HSF4: variants seen among roughly 807,000 people sequenced by gnomAD.
HSF4 encodes the protein heat shock transcription factor 4.
A neutral mutation model predicts 52.0 loss-of-function variants in HSF4; 41 were observed. The observed-to-expected ratio is 0.79, with a 90% confidence interval of 0.61 to 1.02. HSF4 has a LOEUF of 1.02. Ranked by LOEUF, HSF4 falls within the 50% of genes least tolerant of loss-of-function variation. The pLI, the probability that HSF4 is intolerant of heterozygous loss-of-function variation, is 0.00. For synonymous variants in HSF4, 285 were observed against 273.0 expected (o/e 1.04, Z -0.43); for missense variants, 610 against 651.1 (o/e 0.94, Z 0.69).
intron 9 of HSF4, among the ~76,000 whole-genome samples, chr16:67,168,375 G>A (rs1320117787): frequency 6.6e-6 from 1 of 152,174 alleles, no homozygotes; most frequent in African/African-American, 2.4e-5. Flanking sequence ...TCAGGAGGCT[G>A]AGGCAGGACA....
intron 4 of HSF4, 55 bp from the exon 5 acceptor site, chr16:67,166,265 G>A: frequency 1.3e-6 from 2 of 1,524,582 alleles, no homozygotes; most frequent in East Asian, 2.3e-5. Context: ...TTCTGTGGGG[G>A]GTGGTGACTG....
Position 67,166,212 on chromosome 16 carries a change from T to C in HSF4, c.486-108T>C. On this transcript the variant is annotated intron_variant, in intron 4 of 12. Coordinates refer to ENST00000521374, the MANE Select transcript of HSF4 (RefSeq NM_001374675.1). The stretch of plus-strand genomic sequence containing the variant: ...CTAGACTTATGGGCGATCTCTGGGA[T>C]GGCCAGTCAGCGGGGTGGTCTCCTG... 4 of 1,373,456 alleles carry C rather than the reference T, an allele frequency of 2.9e-6. No homozygotes were observed. The South Asian group carries it at 4.9e-5, about 17-fold the overall frequency. The allele number at this position is 1,373,456 out of a possible 1,614,324, so 85.1% of individuals were successfully genotyped here.
At position 67,168,918 on chromosome 16, in the gene HSF4, A is replaced by C; in HGVS notation, c.1170A>C (p.Glu390Asp). 1.2e-6 allele frequency: 2 copies of C among 1,613,890 alleles called. No individual in the cohort carries two copies. The highest frequency in any genetic ancestry group is 1.7e-6 in the Non-Finnish European group (2 of 1,179,906). ...TTCAGCCCCCTCAAGAAAGTGTGGA[A>C]CCTGCAGGGCCTCTAGATGTGAGTA... Reference protein sequence around the residue: ...MLLQPPQESVEPAGPLDVLGP... With the variant: ...MLLQPPQESVDPAGPLDVLGP... The change falls in exon 10 of 13, where the codon GAA becomes GAC. Residue 390 changes from glutamate to aspartate, a missense_variant. Coordinates refer to ENST00000521374, the MANE Select transcript of HSF4 (RefSeq NM_001374675.1).
rs778468495 is a variant in HSF4, at chr16:67,165,659, G to A, written c.232+29G>A. ...AGTCCCTACGGCCGGGCGGGGAGCGGGGATGGGGGACTCGGTGCCGGGGAT... is the reference window on the plus strand; with the variant it reads ...AGTCCCTACGGCCGGGCGGGGAGCGAGGATGGGGGACTCGGTGCCGGGGAT... On this transcript the variant is annotated intron_variant, in intron 2 of 12. Transcript: ENST00000521374. The surrounding 1 kb of genome is among the most constrained non-coding windows in gnomAD (Gnocchi z 6.9). The A allele has an allele frequency of 2.5e-6, 4 of 1,612,506 alleles. No homozygotes were observed. Among genetic ancestry groups the A allele is most frequent in the Non-Finnish European group, 3.4e-6 (4 of 1,179,846 alleles).
In HSF4 at chr16:67,169,470, G is replaced by A. The variant is rs1201186490; in HGVS notation, c.1324+122G>A. The A allele has an allele frequency of 6.4e-7, 1 of 1,570,484 alleles. No homozygotes were observed. The highest frequency in any genetic ancestry group is 1.4e-5 in the African/African-American group (1 of 73,946). Reference sequence around the variant, plus strand: ...CTGAGTTCAGGCTGCACTGCAGAGCGTTCCTTGAGCCACCCATGCCCTCAC... The same window carrying A: ...CTGAGTTCAGGCTGCACTGCAGAGCATTCCTTGAGCCACCCATGCCCTCAC... On this transcript the variant is annotated intron_variant, in intron 12 of 12. Coordinates refer to ENST00000521374, the MANE Select transcript of HSF4 (RefSeq NM_001374675.1). This position sits in a 1 kb window ranked among gnomAD's most constrained non-coding sequence, Gnocchi z 4.3.
In HSF4 at chr16:67,168,343, G is replaced by A. The variant is rs1002335325; in HGVS notation, c.1082+396G>A. ...ACAAAAATTAGCTGGGTGTGGTGGC[G>A]TTTGCCTGTAGTCCCAGCTACTCAG... On this transcript the variant is annotated intron_variant, in intron 9 of 12. Coordinates refer to ENST00000521374, the MANE Select transcript of HSF4 (RefSeq NM_001374675.1). Among the ~76,000 whole-genome samples the A allele has an allele frequency of 4.6e-5, 7 of 152,064 alleles. No individual in the cohort carries two copies. In the East Asian group the frequency reaches 5.8e-4, roughly 13 times the overall value.
chr16:67,165,923 C>A lies in HSF4; in HGVS notation c.361-23C>A. 6.3e-7 allele frequency: 1 copy of A among 1,584,192 alleles called. No individual in the cohort carries two copies. Among genetic ancestry groups the A allele is most frequent in the East Asian group, 2.3e-5 (1 of 43,898 alleles). ...CCTGCCTTGCTCCTGCGACCCAGTCCCGACGGTGCCTCCCGCCTGCAGGTG... is the reference window on the plus strand; with the variant it reads ...CCTGCCTTGCTCCTGCGACCCAGTCACGACGGTGCCTCCCGCCTGCAGGTG... On this transcript the variant is annotated intron_variant, in intron 3 of 12. Transcript: ENST00000521374. The surrounding 1 kb of genome is among the most constrained non-coding windows in gnomAD (Gnocchi z 6.9).
At position 67,166,359 on chromosome 16, in the gene HSF4, G is replaced by T; in HGVS notation, c.525G>T (p.Arg175=). The T allele has an allele frequency of 6.2e-7, 1 of 1,608,700 alleles. No homozygotes were observed. Among genetic ancestry groups the T allele is most frequent in the Non-Finnish European group, 8.5e-7 (1 of 1,177,690 alleles). The change falls in exon 5 of 13, where the codon CGG becomes CGT. Residue 175 remains arginine (R), a synonymous_variant. Coordinates refer to ENST00000521374, the MANE Select transcript of HSF4 (RefSeq NM_001374675.1). ...EILWREVVTL[R]QSHGQQHRVI... ...TGTGGCGGGAGGTGGTGACACTTCGGCAGAGCCACGGTCAGCAGCACCGGG... is the reference window on the plus strand; with the variant it reads ...TGTGGCGGGAGGTGGTGACACTTCGTCAGAGCCACGGTCAGCAGCACCGGG...
intron 9 of HSF4, 131 bp downstream of exon 9, chr16:67,168,078 A>G: frequency 1.2e-6 from 1 of 805,560 alleles, no homozygotes; most frequent in Admixed American, 2.1e-5. Context: ...TTCTGTGGAA[A>G]GCAGAGCCTC....
upstream of HSF4, chr16:67,163,879 G>GGGT (rs1555549593): frequency 6.5e-7 from 1 of 1,526,800 alleles, no homozygotes; most frequent in African/African-American, 1.4e-5. Context: ...GGAACGGGGG[G>GGGT]GGTGTCCAGG....
At chr16:67,163,929 C>T (rs534054261), upstream of HSF4, 69 of 1,476,112 alleles carry the variant, frequency 4.7e-5, no homozygotes, top group African/African-American at 6.4e-4. Context: ...GGATTGTTGC[C>T]CCCCGGGTCT....
intron 7 of HSF4, 32 bp from the exon 8 acceptor site, chr16:67,167,443 G>A (rs2031388743): frequency 1.2e-6 from 2 of 1,613,692 alleles, no homozygotes; most frequent in Non-Finnish European, 1.7e-6. Flanking sequence ...GTGCCTACAG[G>A]CCAAGGGCTG....
At position 67,165,518 on chromosome 16, in the gene HSF4, G is replaced by A; in HGVS notation, c.124-4G>A. On this transcript the variant is annotated splice_region_variant and splice_polypyrimidine_tract_variant and intron_variant, in intron 1 of 12. Coordinates refer to ENST00000521374, the MANE Select transcript of HSF4 (RefSeq NM_001374675.1). This position sits in a 1 kb window ranked among gnomAD's most constrained non-coding sequence, Gnocchi z 6.9. Reference sequence around the variant, plus strand: ...GCACGGTGGGCGGGCGGCGTTCTTGGTAGAGCGGGACCAGTTTCCTCGTAA... The same window carrying A: ...GCACGGTGGGCGGGCGGCGTTCTTGATAGAGCGGGACCAGTTTCCTCGTAA... The A allele has an allele frequency of 6.2e-7, 1 of 1,612,938 alleles. No homozygotes were observed. Among genetic ancestry groups the A allele is most frequent in the Non-Finnish European group, 8.5e-7 (1 of 1,179,828 alleles).
Position 67,165,012 on chromosome 16 carries a change from C to G in HSF4, c.123+78C>G. 1 of 1,432,372 alleles carries G rather than the reference C, an allele frequency of 7.0e-7. No individual in the cohort carries two copies. The highest frequency in any genetic ancestry group is 9.3e-7 in the Non-Finnish European group (1 of 1,071,304). The allele number at this position is 1,432,372 out of a possible 1,614,324, so 88.7% of individuals were successfully genotyped here. ...CAGTGAACACCCATGCCCGCCCAACCCCCTCCTGAGACTGGGCCGTGGATC... is the reference window on the plus strand; with the variant it reads ...CAGTGAACACCCATGCCCGCCCAACGCCCTCCTGAGACTGGGCCGTGGATC... On this transcript the variant is annotated intron_variant, in intron 1 of 12. Transcript: ENST00000521374. This position sits in a 1 kb window ranked among gnomAD's most constrained non-coding sequence, Gnocchi z 6.9.
At chr16:67,168,989 C>G in intron 10 of HSF4, 47 bp from the exon 11 acceptor site, 1 of 1,613,352 alleles carries the variant, frequency 6.2e-7, no homozygotes. Flanking sequence ...GGGTCTAGCT[C>G]TCTGTGGAGC....
In HSF4 at chr16:67,166,392, C is replaced by G. The variant is rs1226307918; in HGVS notation, c.558C>G (p.Gly186=). 1.2e-5 allele frequency: 20 copies of G among 1,608,914 alleles called. No homozygotes were observed. The highest frequency in any genetic ancestry group is 1.5e-5 in the Non-Finnish European group (18 of 1,177,608). The change falls in exon 5 of 13, where the codon GGC becomes GGG. Residue 186 remains glycine (G), a synonymous_variant. Transcript: ENST00000521374. ...ACGGTCAGCAGCACCGGGTCATTGG[C>G]AAGGTGTTCCTCTCCCCAAGCCTCG... ...QSHGQQHRVI[G]KLIQCLFGPL... is the part of the protein sequence containing the mutation.
At position 67,165,539 on chromosome 16, in the gene HSF4, C is replaced by T. The variant is rs745386820; in HGVS notation, c.141C>T (p.Leu47=). The T allele has an allele frequency of 2.5e-6, 4 of 1,613,176 alleles. No individual in the cohort carries two copies. The highest frequency in any genetic ancestry group is 3.4e-6 in the Non-Finnish European group (4 of 1,179,906). Residue 47 remains leucine (L), a synonymous_variant, in exon 2 of 13, where the codon CTC becomes CTT. Coordinates refer to ENST00000521374, the MANE Select transcript of HSF4 (RefSeq NM_001374675.1). The surrounding 1 kb of genome is among the most constrained non-coding windows in gnomAD (Gnocchi z 6.9). ...CTTGGTAGAGCGGGACCAGTTTCCT[C>T]GTAAGCGACCAGAGCCGTTTCGCCA... ...IRWSPSGTSF[L]VSDQSRFAKE...
chr16:67,165,736 G>C lies in HSF4; in HGVS notation c.250G>C (p.Val84Leu), dbSNP rs747840876. The C allele has an allele frequency of 9.7e-5, 157 of 1,611,820 alleles. No individual in the cohort carries two copies. The highest frequency in any genetic ancestry group is 1.3e-4 in the Non-Finnish European group (150 of 1,179,806). Residue 84 changes from valine (V) to leucine (L), a missense_variant, in exon 3 of 13, where the codon GTG becomes CTG. Val to Leu is a conservative substitution (Grantham distance 32). Transcript: ENST00000521374. The surrounding 1 kb of genome is among the most constrained non-coding windows in gnomAD (Gnocchi z 6.9). ...CTCCCCAGACGGTTTTCGGAAGGTG[G>C]TGAGCATCGAGCAGGGCGGCCTGCT... is the stretch of plus-strand genomic sequence containing the variant. Reference protein sequence around the residue: ...QLNMYGFRKVVSIEQGGLLRP... With the variant: ...QLNMYGFRKVLSIEQGGLLRP...
chr16:67,166,736 C>G, intron 6 of HSF4, 114 bp downstream of exon 6: 2 of 991,484 alleles, frequency 2.0e-6, no homozygotes, highest in Non-Finnish European at 3.1e-6. Flanking sequence ...CATTCCTCCC[C>G]CTGCGCTACA....
Sources: gnomAD v4.1 joint callset for allele counts (sites outside exome capture counted in the v4.1 genomes callset) on GRCh38, gnomAD v4.1.1 for gene constraint, Gnocchi (gnomAD v3.1) non-coding constraint, MANE v1.5 for transcripts, NCBI Gene and HGNC (gene_info 2026-07-23, HGNC 2026-07-21) for gene names.